The following RANBP9 variants were observed in gnomAD, a reference collection of about 807,000 sequenced individuals.
RANBP9 encodes RAN binding protein 9, also known as ran-binding protein 9.
Under a neutral mutation model 84.3 loss-of-function variants are expected in RANBP9, and 15 were observed. The observed-to-expected ratio is 0.18, with a 90% CI of 0.12 to 0.27. The LOEUF (loss-of-function observed/expected upper bound fraction) is 0.27. Ranked by LOEUF, RANBP9 falls within the 10% of genes least tolerant of loss-of-function variation. RANBP9 has a pLI of 1.00. For synonymous variants in RANBP9, 392 were observed against 349.6 expected (o/e 1.12, Z -1.35); for missense variants, 809 against 912.8 (o/e 0.89, Z 1.46).
chr6:13,640,970 C>T (rs972084143), intron 8 of RANBP9, among the ~76,000 whole-genome samples: 18 of 152,064 alleles, frequency 1.2e-4, no homozygotes, highest in African/African-American at 4.3e-4. Context: ...TTTTTAAACA[C>T]ATAAATAGAA....
At chr6:13,700,965 G>A (rs1048279833) in intron 1 of RANBP9, among the ~76,000 whole-genome samples, 2 of 152,220 alleles carry the variant, frequency 1.3e-5, no homozygotes, top group Admixed American at 6.5e-5. Flanking sequence ...TTCCAGCCAC[G>A]CATTCAGGAC....
In RANBP9 at chr6:13,711,817, G is replaced by A. The variant is rs1218801453; in HGVS notation, c.-312C>T. Among the ~76,000 whole-genome samples the A allele has an allele frequency of 6.9e-6, 1 of 145,976 alleles. No individual in the cohort carries two copies. Among genetic ancestry groups the A allele is most frequent in the African/African-American group, 2.5e-5 (1 of 40,600 alleles). ...AGGCGCGCTGGCGGCCGCCGCGGCCGCTGCTCTCGCGGCTGTTTCCCGGCG... is the reference window on the plus strand; with the variant it reads ...AGGCGCGCTGGCGGCCGCCGCGGCCACTGCTCTCGCGGCTGTTTCCCGGCG... On this transcript the variant is annotated 5_prime_UTR_variant, in exon 1 of 14. Transcript: ENST00000011619.
intron 2 of RANBP9, among the ~76,000 whole-genome samples, chr6:13,677,206 C>T (rs1363338971): frequency 3.9e-5 from 6 of 152,116 alleles, no homozygotes; most frequent in Non-Finnish European, 1.5e-5. Context: ...ATTTCCTACG[C>T]ACCAGCAATG....
At chr6:13,692,092 T>C (rs916647923) in intron 2 of RANBP9, among the ~76,000 whole-genome samples, 3 of 152,186 alleles carry the variant, frequency 2.0e-5, no homozygotes, top group Non-Finnish European at 4.4e-5. Context: ...AATAATCTTT[T>C]CTCCAGAAAA....
At chr6:13,661,458 A>G (rs1584929291) in intron 2 of RANBP9, among the ~76,000 whole-genome samples, 1 of 152,166 alleles carries the variant, frequency 6.6e-6, no homozygotes, top group Non-Finnish European at 1.5e-5. Flanking sequence ...CTAAAATATA[A>G]TATCAACAAA....
chr6:13,666,138 A>G (rs533145697), intron 2 of RANBP9, among the ~76,000 whole-genome samples: 19 of 152,308 alleles, frequency 1.2e-4, no homozygotes, highest in African/African-American at 4.6e-4. Flanking sequence ...ACACACACAC[A>G]CAAAAAGAGA....
chr6:13,644,971 A>C (rs1024748707), intron 5 of RANBP9, among the ~76,000 whole-genome samples: 1 of 152,208 alleles, frequency 6.6e-6, no homozygotes, highest in Non-Finnish European at 1.5e-5. Flanking sequence ...TGTTTTATTT[A>C]TTCAGGGACT....
intron 4 of RANBP9, 84 bp from the exon 5 acceptor site, chr6:13,652,765 G>A (rs1228025361): frequency 6.0e-6 from 7 of 1,174,658 alleles, no homozygotes; most frequent in Non-Finnish European, 7.3e-6. Flanking sequence ...CTAAAAGGAG[G>A]AAACAAATGG....
At chr6:13,631,919 A>G (rs1764793446) in intron 12 of RANBP9, among the ~76,000 whole-genome samples, 1 of 152,160 alleles carries the variant, frequency 6.6e-6, no homozygotes. Flanking sequence ...TCCCATCAAA[A>G]TGAGAACCAT....
chr6:13,646,542 T>C (rs1765178887), intron 5 of RANBP9, among the ~76,000 whole-genome samples: 1 of 152,220 alleles, frequency 6.6e-6, no homozygotes, highest in African/African-American at 2.4e-5. Flanking sequence ...TTAAGCAGTT[T>C]ATAATGATGA....
In RANBP9 at chr6:13,711,085, T is replaced by A. The variant is rs1758266138; in HGVS notation, c.421A>T (p.Asn141Tyr). The change falls in exon 1 of 14, where the codon AAC (asparagine) becomes TAC (tyrosine). Residue 141 changes from asparagine (N) to tyrosine (Y), a missense_variant. By Grantham distance (143) the Asn-to-Tyr change is moderately radical. This residue lies in a region of RANBP9 where 302 missense variants were observed against 240.1 expected (regional missense o/e 1.26). Coordinates refer to ENST00000011619, the MANE Select transcript of RANBP9 (RefSeq NM_005493.3). ...CGCTGCAACTCCTTCTCCTGCTCGT[T>A]CAGGGCCGAGTCCCCGTGAGGGAAG... ...APFPHGDSAL[N>Y]EQEKELQRRL... The A allele has an allele frequency of 1.3e-6, 2 of 1,575,550 alleles. No individual in the cohort carries two copies. The highest frequency in any genetic ancestry group is 1.7e-6 in the Non-Finnish European group (2 of 1,160,772).
At chr6:13,692,087 T>A (rs187582510) in intron 2 of RANBP9, among the ~76,000 whole-genome samples, 71 of 152,320 alleles carry the variant, frequency 4.7e-4, no homozygotes, top group African/African-American at 1.5e-3. Context: ...TAGGAAATAA[T>A]CTTTTCTCCA....
chr6:13,632,645 T>A (rs749173859), intron 11 of RANBP9, 124 bp from the exon 12 acceptor site: 1 of 923,184 alleles, frequency 1.1e-6, no homozygotes, highest in Non-Finnish European at 1.6e-6. Flanking sequence ...CATCTAAATA[T>A]GCAGATTGTT....
chr6:13,625,134 C>A (rs1003422291), intron 13 of RANBP9, among the ~76,000 whole-genome samples: 1 of 152,200 alleles, frequency 6.6e-6, no homozygotes, highest in Non-Finnish European at 1.5e-5. Context: ...CTCTTTTCTT[C>A]AAATGTACCC....
intron 2 of RANBP9, among the ~76,000 whole-genome samples, chr6:13,689,739 A>G (rs755565545): frequency 1.3e-5 from 2 of 152,154 alleles, no homozygotes; most frequent in Non-Finnish European, 2.9e-5. Context: ...ATTCTTACTC[A>G]TTTTGTAAGG....
At chr6:13,629,918 TCTC>T (rs1300184011) in intron 12 of RANBP9, among the ~76,000 whole-genome samples, 2,548 of 121,244 alleles carry the variant, frequency 0.021, 29 homozygotes, top group South Asian at 0.039. Context: ...TCTCTCTCTC[TCTC>T]GTGTGTGTGT....
intron 4 of RANBP9, among the ~76,000 whole-genome samples, chr6:13,653,353 T>C (rs1262395093): frequency 6.6e-6 from 1 of 152,148 alleles, no homozygotes. Flanking sequence ...TTGGAATAAG[T>C]CTACTGTCAA....
At position 13,626,423 on chromosome 6, in the gene RANBP9, C is replaced by CT. The variant is rs560646756; in HGVS notation, c.1948-660dup. ...CTGGCTTCAAGTCCAAGCTCCACCA[C>CT]TAACTGGCTGTGTAGCCTTTGGCAA... is the stretch of plus-strand genomic sequence containing the variant. On this transcript the variant is annotated intron_variant, in intron 12 of 13. Transcript: ENST00000011619. Among the ~76,000 whole-genome samples the CT allele has an allele frequency of 2.3e-4, 35 of 152,214 alleles. 1 individual carries two copies. The highest frequency in any genetic ancestry group is 4.1e-4 in the Non-Finnish European group (28 of 68,044).
intron 1 of RANBP9, among the ~76,000 whole-genome samples, chr6:13,705,947 G>T (rs1758104336): frequency 6.6e-6 from 1 of 151,480 alleles, no homozygotes; most frequent in African/African-American, 2.4e-5. Context: ...AAGCAAGCAT[G>T]CTGAAATATC....
Sources: allele counts gnomAD v4.1 joint callset (sites outside exome capture counted in the v4.1 genomes callset), GRCh38; gene constraint gnomAD v4.1.1; regional missense constraint gnomAD v4.1.1; transcripts MANE v1.5; gene names NCBI Gene and HGNC (gene_info 2026-07-23, HGNC 2026-07-21).